HTT: variants seen among roughly 807,000 people sequenced by gnomAD.
The protein encoded by HTT is huntingtin.
In HTT, 104 loss-of-function variants were observed where a neutral mutation model predicts 362.3. The observed-to-expected ratio is 0.29, with a 90% CI of 0.24 to 0.34. The LOEUF is 0.34. Among genes scored for constraint, HTT ranks in the 10% least tolerant of loss-of-function variants. HTT has a pLI of 1.00. For synonymous variants in HTT, 1,577 were observed against 1,548.7 expected (o/e 1.02, Z -0.43); for missense variants, 3,301 against 3,928.6 (o/e 0.84, Z 4.27).
rs762427543 is a variant in HTT at position 3,206,925 on chromosome 4, G to C, written c.6017G>C (p.Arg2006Pro). The change falls in exon 44 of 67, where the codon CGC becomes CCC. Residue 2006 changes from arginine to proline, a missense_variant. Around this residue, in one of 4 missense-constraint regions of HTT, gnomAD observed 2,316 missense variants for 2,658.5 expected, o/e 0.87. Transcript: ENST00000355072. The surrounding 1 kb of genome is among the most constrained non-coding windows in gnomAD (Gnocchi z 4.6). ...TGCACCCCTTTCCGTGTGCTGGCTC[G>C]CATGGTCGACATCCTTGCTTGTCGC... ...LLCTPFRVLARMVDILACRRV... is the reference protein window; with the variant it reads ...LLCTPFRVLAPMVDILACRRV... The C allele has an allele frequency of 1.2e-6, 2 of 1,613,886 alleles. No homozygotes were observed. The highest frequency in any genetic ancestry group is 1.7e-6 in the Non-Finnish European group (2 of 1,180,010).
At chr4:3,145,277 C>A in intron 24 of HTT, 49 bp downstream of exon 24, 1 of 1,266,436 alleles carries the variant, frequency 7.9e-7, no homozygotes, top group Non-Finnish European at 1.2e-6. Flanking sequence ...AACAGTATGA[C>A]ATAAACATAG....
chr4:3,189,640 C>A (rs191023221), intron 40 of HTT, among the ~76,000 whole-genome samples: 1 of 152,088 alleles, frequency 6.6e-6, no homozygotes, highest in Non-Finnish European at 1.5e-5. Flanking sequence ...GTTATTTTTA[C>A]AAGATGAAGA....
intron 4 of HTT, among the ~76,000 whole-genome samples, chr4:3,105,077 C>T (rs1358980560): frequency 2.0e-5 from 3 of 152,068 alleles, no homozygotes; most frequent in Non-Finnish European, 4.4e-5. Flanking sequence ...CAGTAATTCA[C>T]AATGTTAGAA....
At position 3,240,284 on chromosome 4, in the gene HTT, C is replaced by T. The variant is rs1328810713; in HGVS notation, c.*225C>T. ...GTCCTGGTGGGGCTGAGCCTGAGGC[C>T]TTCCAGAAAGCAGGAGCAGCTGTGC... On this transcript the variant is annotated 3_prime_UTR_variant, in exon 67 of 67. Transcript: ENST00000355072. The T allele has an allele frequency of 6.8e-6, 4 of 585,844 alleles. No individual in the cohort carries two copies. Among genetic ancestry groups the T allele is most frequent in the Non-Finnish European group, 1.2e-5 (4 of 328,420 alleles). The allele number at this position is 585,844 out of a possible 1,614,324, so 36.3% of individuals were successfully genotyped here. A position where few individuals can be genotyped will look rare whatever the true frequency, so the allele number is the denominator to read the frequency against.
intron 1 of HTT, among the ~76,000 whole-genome samples, chr4:3,075,635 G>C (rs1712487456): frequency 7.2e-6 from 1 of 139,334 alleles, no homozygotes. Context: ...CGCCTCGGCG[G>C]GAGTGGCGGG....
chr4:3,185,552 A>T lies in HTT; in HGVS notation c.4867-1045A>T, dbSNP rs550280460. On this transcript the variant is annotated intron_variant, in intron 37 of 66. Coordinates refer to ENST00000355072, the MANE Select transcript of HTT (RefSeq NM_001388492.1). The stretch of plus-strand genomic sequence containing the variant: ...TGGAAACAGTCAGTGCCCACCATCA[A>T]TAAGTAATGGTTGAACACACTGTGG... Among the ~76,000 whole-genome samples, 49 of 152,338 alleles carry T rather than the reference A, an allele frequency of 3.2e-4. No homozygotes were observed. The South Asian group carries it at 8.9e-3, about 28-fold the overall frequency.
chr4:3,121,929 C>T (rs1292789043), intron 9 of HTT, among the ~76,000 whole-genome samples: 1 of 152,190 alleles, frequency 6.6e-6, no homozygotes, highest in Admixed American at 6.5e-5. Flanking sequence ...TGAGGCCACA[C>T]ATTTAAAGCC....
rs1428438246 is a variant in HTT at position 3,210,978 on chromosome 4, C to T, written c.6415-951C>T. ...AGTGCAATGGCGCTATCTTGGCTCACTGCAACCTCCGCCTCCTGGGTTCAT... is the reference window on the plus strand; with the variant it reads ...AGTGCAATGGCGCTATCTTGGCTCATTGCAACCTCCGCCTCCTGGGTTCAT... On this transcript the variant is annotated intron_variant, in intron 47 of 66. Transcript: ENST00000355072. Among the ~76,000 whole-genome samples, 5 of 142,564 alleles carry T rather than the reference C, an allele frequency of 3.5e-5. No individual in the cohort carries two copies. The South Asian group carries it at 6.4e-4, about 18-fold the overall frequency. 93.5% of individuals were successfully genotyped at this position (142,564 alleles called of 152,430 possible).
At chr4:3,164,153 A>G (rs755986945) in intron 29 of HTT, among the ~76,000 whole-genome samples, 2 of 152,014 alleles carry the variant, frequency 1.3e-5, no homozygotes, top group Non-Finnish European at 2.9e-5. Flanking sequence ...TTCCAAGAAA[A>G]TTTTTATTTC....
rs1450381267 is a variant in HTT at position 3,233,228 on chromosome 4, C to T, written c.8331C>T (p.Pro2777=). 1 of 1,605,774 alleles carries T rather than the reference C, an allele frequency of 6.2e-7. No homozygotes were observed. Among genetic ancestry groups the T allele is most frequent in the Non-Finnish European group, 8.5e-7 (1 of 1,173,586 alleles). The change falls in exon 61 of 67, where the codon CCC becomes CCT. Residue 2777 remains proline, a synonymous_variant. Coordinates refer to ENST00000355072, the MANE Select transcript of HTT (RefSeq NM_001388492.1). ...GCACGCTCAGGAGCAGCCACCTGCC[C>T]AGCAGGGTTGGAGCCCTGCACGGCG... is the stretch of plus-strand genomic sequence containing the variant. The part of the protein sequence containing the change: ...LESTLRSSHL[P]SRVGALHGVL...
At chr4:3,107,248 A>G in intron 5 of HTT, 37 bp from the exon 6 acceptor site, 1 of 1,600,816 alleles carries the variant, frequency 6.2e-7, no homozygotes. Flanking sequence ...CCTGAAGGAG[A>G]GCTGGAAGAA....
At chr4:3,090,407 T>C (rs1029744680) in intron 2 of HTT, among the ~76,000 whole-genome samples, 10 of 152,220 alleles carry the variant, frequency 6.6e-5, no homozygotes, top group African/African-American at 2.4e-4. Flanking sequence ...TACACATTTT[T>C]CACAAGTATC....
intron 23 of HTT, among the ~76,000 whole-genome samples, chr4:3,144,109 T>C (rs1429413787): frequency 6.6e-6 from 1 of 152,164 alleles, no homozygotes; most frequent in Non-Finnish European, 1.5e-5. Flanking sequence ...ATAGTCGGAT[T>C]TCAGTTAAGA....
At chr4:3,213,820 G>C in intron 49 of HTT, 138 bp from the exon 50 acceptor site, 1 of 631,436 alleles carries the variant, frequency 1.6e-6, no homozygotes, top group South Asian at 2.6e-5. Context: ...CCATGTCAGA[G>C]CTGTCCTTCT....
chr4:3,101,205 C>A (rs933717102), intron 3 of HTT, among the ~76,000 whole-genome samples: 1 of 152,078 alleles, frequency 6.6e-6, no homozygotes, highest in Non-Finnish European at 1.5e-5. Context: ...TTTAAACCTC[C>A]TTCATTTTTT....
intron 23 of HTT, among the ~76,000 whole-genome samples, chr4:3,143,613 T>A (rs112683178): frequency 0.021 from 3,233 of 151,726 alleles, 88 homozygotes; most frequent in African/African-American, 0.06. Flanking sequence ...TTTTATTATT[T>A]TTTTTTTGAG....
Position 3,142,784 on chromosome 4 carries a change from C to T in HTT, c.2964C>T (p.Asn988=), listed in dbSNP as rs1716411119. ...TTATTAGAATATATAGAGGCTATAA[C>T]CTACTACCAAGCATAACAGACGTCA... The part of the protein sequence containing the change: ...STITRIYRGY[N]LLPSITDVTM... Residue 988 remains asparagine (N), a synonymous_variant, in exon 23 of 67, where the codon AAC becomes AAT. Transcript: ENST00000355072. 2 of 1,528,396 alleles carry T rather than the reference C, an allele frequency of 1.3e-6. No homozygotes were observed. Among genetic ancestry groups the T allele is most frequent in the Non-Finnish European group, 1.8e-6 (2 of 1,102,354 alleles). 94.7% of individuals were successfully genotyped at this position (1,528,396 alleles called of 1,614,324 possible).
chr4:3,163,276 T>A (rs1003485162), intron 29 of HTT, among the ~76,000 whole-genome samples: 9 of 152,216 alleles, frequency 5.9e-5, no homozygotes, highest in Admixed American at 1.3e-4. Flanking sequence ...GGGATGAAGC[T>A]GACTTGATTG....
chr4:3,126,991 G>A (rs113344784), intron 11 of HTT, among the ~76,000 whole-genome samples: 2,710 of 152,216 alleles, frequency 0.018, 37 homozygotes, highest in Non-Finnish European at 0.028. Context: ...TGGAGTAGTC[G>A]GTTAAGAACT....
Sources: gnomAD v4.1 joint callset for allele counts (sites outside exome capture counted in the v4.1 genomes callset) on GRCh38, gnomAD v4.1.1 for gene constraint, gnomAD v4.1.1 regional missense constraint, Gnocchi (gnomAD v3.1) non-coding constraint, MANE v1.5 for transcripts, NCBI Gene and HGNC (gene_info 2026-07-23, HGNC 2026-07-21) for gene names.